MAGI2: variants seen among roughly 807,000 people sequenced by gnomAD.
MAGI2 encodes membrane associated guanylate kinase, WW and PDZ domain containing 2.
A neutral mutation model predicts 133.3 loss-of-function variants in MAGI2; 35 were observed. The ratio of observed to expected loss-of-function variants is 0.26; its 90% CI spans 0.20 to 0.35. The LOEUF is 0.35. MAGI2 is among the 10% of genes least tolerant of loss of function. The probability of loss-of-function intolerance (pLI) is 1.00; values close to 1 mark genes in which losing one functional copy is unlikely to be tolerated. For missense variants in MAGI2, 1,636 were observed against 1,863.4 expected (o/e 0.88, Z 2.25); for synonymous variants, 729 against 710.6 (o/e 1.03, Z -0.41).
At chr7:78,439,231 C>T (rs1002723154) in intron 6 of MAGI2, among the ~76,000 whole-genome samples, 1 of 152,114 alleles carries the variant, frequency 6.6e-6, no homozygotes, top group Non-Finnish European at 1.5e-5. Flanking sequence ...GAATGTTGCC[C>T]GAGTCAGTCA....
chr7:78,900,146 A>G (rs1185821037), intron 2 of MAGI2, among the ~76,000 whole-genome samples: 5 of 152,114 alleles, frequency 3.3e-5, no homozygotes, highest in Non-Finnish European at 5.9e-5. Context: ...ACCAAGTTCC[A>G]TTGCTGCCAC....
chr7:78,127,431 A>T lies in MAGI2; in HGVS notation c.3204-15T>A. 2 of 1,585,764 alleles carry T rather than the reference A, an allele frequency of 1.3e-6. No individual in the cohort carries two copies. Among genetic ancestry groups the T allele is most frequent in the Non-Finnish European group, 1.7e-6 (2 of 1,166,684 alleles). On this transcript the variant is annotated splice_polypyrimidine_tract_variant and intron_variant, in intron 18 of 21. Coordinates refer to ENST00000354212, the MANE Select transcript of MAGI2 (RefSeq NM_012301.4). ...CCGACCTGTAACTAAATCAATGGAA[A>T]TGGGATTTGCTTTTGTAACTCTGCA...
At chr7:78,296,670 C>A (rs546061674) in intron 9 of MAGI2, among the ~76,000 whole-genome samples, 1 of 152,320 alleles carries the variant, frequency 6.6e-6, no homozygotes, top group African/African-American at 2.4e-5. Context: ...AGCTCACTCC[C>A]TTTTCTCCAC....
chr7:78,116,742 G>A (rs576174131), intron 20 of MAGI2, among the ~76,000 whole-genome samples: 1 of 152,080 alleles, frequency 6.6e-6, no homozygotes, highest in South Asian at 2.1e-4. Flanking sequence ...GCCAGGTGTG[G>A]TGGTGCACAC....
At chr7:78,232,478 C>T (rs957760650) in intron 10 of MAGI2, among the ~76,000 whole-genome samples, 1 of 152,150 alleles carries the variant, frequency 6.6e-6, no homozygotes, top group African/African-American at 2.4e-5. Context: ...AGATAATTGT[C>T]GTATGGACTC....
intron 16 of MAGI2, among the ~76,000 whole-genome samples, chr7:78,140,692 G>C (rs953882905): frequency 6.6e-6 from 1 of 152,128 alleles, no homozygotes; most frequent in Non-Finnish European, 1.5e-5. Flanking sequence ...AATAATATAC[G>C]TGAAAATTAC....
At chr7:79,053,747 A>G (rs1338893373) in intron 1 of MAGI2, among the ~76,000 whole-genome samples, 1 of 152,236 alleles carries the variant, frequency 6.6e-6, no homozygotes, top group Non-Finnish European at 1.5e-5. Context: ...AGCAACTACT[A>G]TAACAGAATA....
At chr7:78,078,770 A>T in intron 21 of MAGI2, 177 bp downstream of exon 21, 1 of 643,746 alleles carries the variant, frequency 1.6e-6, no homozygotes, top group Admixed American at 3.0e-5. Context: ...CTGGGCATAA[A>T]CATACGTGTG....
intron 21 of MAGI2, chr7:78,078,724 A>C: frequency 1.7e-6 from 1 of 600,076 alleles, no homozygotes; most frequent in Non-Finnish European, 2.9e-6. Context: ...TCCTTAATGG[A>C]GGGAGCAAAA....
chr7:78,125,835 A>G lies in MAGI2; in HGVS notation c.3426T>C (p.Asp1142=). The change falls in exon 20 of 22, where the codon GAT becomes GAC. Residue 1142 remains aspartate, a splice_region_variant and synonymous_variant. Transcript: ENST00000354212. ...YPLSDYRQPQ[D]FDYFTVDMEK... ...CCATGTCCACAGTGAAATAATCAAAATCCTTTGGGGTTGGGGAGAAAATGG... is the reference window on the plus strand; with the variant it reads ...CCATGTCCACAGTGAAATAATCAAAGTCCTTTGGGGTTGGGGAGAAAATGG... 6.2e-7 allele frequency: 1 copy of G among 1,614,012 alleles called. No individual in the cohort carries two copies. Among genetic ancestry groups the G allele is most frequent in the Non-Finnish European group, 8.5e-7 (1 of 1,179,948 alleles).
chr7:79,278,299 A>G (rs906183241), intron 1 of MAGI2, among the ~76,000 whole-genome samples: 1 of 152,184 alleles, frequency 6.6e-6, no homozygotes, highest in Non-Finnish European at 1.5e-5. Context: ...TCAGAAGCCA[A>G]ACAGATGCTG....
intron 1 of MAGI2, among the ~76,000 whole-genome samples, chr7:79,335,663 T>C (rs1449984923): frequency 6.6e-6 from 1 of 152,042 alleles, no homozygotes; most frequent in Non-Finnish European, 1.5e-5. Context: ...GCAACATCCT[T>C]AGTGGACAAA....
chr7:78,130,940 C>G (rs1314686408), intron 18 of MAGI2, among the ~76,000 whole-genome samples: 2 of 152,164 alleles, frequency 1.3e-5, no homozygotes, highest in African/African-American at 4.8e-5. Flanking sequence ...CTGTATCCAG[C>G]TGTTGTTCTC....
intron 2 of MAGI2, among the ~76,000 whole-genome samples, chr7:78,702,341 C>T (rs1818164501): frequency 1.3e-5 from 2 of 151,948 alleles, no homozygotes; most frequent in Non-Finnish European, 2.9e-5. Context: ...TAAGTAATAA[C>T]TTCTAAGAGC....
At chr7:78,293,556 A>G (rs1038540927) in intron 9 of MAGI2, among the ~76,000 whole-genome samples, 6 of 152,302 alleles carry the variant, frequency 3.9e-5, no homozygotes, top group African/African-American at 7.2e-5. Context: ...ACCTAGAAAT[A>G]CCATTTGACC....
At chr7:79,264,639 T>C (rs528215031) in intron 1 of MAGI2, among the ~76,000 whole-genome samples, 1 of 152,308 alleles carries the variant, frequency 6.6e-6, no homozygotes, top group Non-Finnish European at 1.5e-5. Flanking sequence ...GATTAGTTAC[T>C]ATTTTAGTCT....
intron 2 of MAGI2, among the ~76,000 whole-genome samples, chr7:78,897,687 T>C (rs1304068296): frequency 6.6e-6 from 1 of 152,212 alleles, no homozygotes; most frequent in Non-Finnish European, 1.5e-5. Flanking sequence ...GGTAGTTTAA[T>C]AGGAGTAGCA....
intron 1 of MAGI2, among the ~76,000 whole-genome samples, chr7:79,204,957 G>A (rs1464192149): frequency 2.0e-5 from 3 of 151,600 alleles, no homozygotes; most frequent in East Asian, 1.9e-4. Context: ...GTAAAGGAAT[G>A]AAAAAAGCTT....
chr7:78,523,853 A>G (rs759093807), intron 3 of MAGI2, among the ~76,000 whole-genome samples: 40 of 152,158 alleles, frequency 2.6e-4, no homozygotes, highest in Admixed American at 6.5e-4. Flanking sequence ...CAGCCAAGCC[A>G]TATCAAGGGG....
Sources: gnomAD v4.1 joint callset for allele counts (sites outside exome capture counted in the v4.1 genomes callset) on GRCh38, gnomAD v4.1.1 for gene constraint, MANE v1.5 for transcripts, NCBI Gene and HGNC (gene_info 2026-07-23, HGNC 2026-07-21) for gene names.